The following PCDH15 variants were observed in gnomAD, a reference collection of about 807,000 sequenced individuals.
The protein encoded by PCDH15 is protocadherin related 15.
In PCDH15, 129 loss-of-function variants were observed where a neutral mutation model predicts 178.5. That is an observed-to-expected ratio of 0.72 (90% CI 0.63 to 0.84). The LOEUF is 0.84. Among genes scored for constraint, PCDH15 ranks in the 40% least tolerant of loss-of-function variants. PCDH15 has a pLI of 0.00. For synonymous variants in PCDH15, 800 were observed against 732.0 expected (o/e 1.09, Z -1.50); for missense variants, 2,230 against 2,099.9 (o/e 1.06, Z -1.21).
chr10:54,671,130 G>T (rs911132707), intron 1 of PCDH15, among the ~76,000 whole-genome samples: 6 of 152,112 alleles, frequency 3.9e-5, no homozygotes, highest in Non-Finnish European at 8.8e-5. Context: ...CATCAGTGGA[G>T]TGTTTAGCTT....
chr10:54,668,700 T>C (rs1186115004), intron 1 of PCDH15, among the ~76,000 whole-genome samples: 1 of 152,208 alleles, frequency 6.6e-6, no homozygotes, highest in Non-Finnish European at 1.5e-5. Context: ...TTCTCTTAAA[T>C]ACAATTTTGA....
At chr10:54,242,919 C>G (rs1427010903) in intron 8 of PCDH15, among the ~76,000 whole-genome samples, 2 of 152,042 alleles carry the variant, frequency 1.3e-5, no homozygotes, top group Non-Finnish European at 2.9e-5. Context: ...ATATAATATT[C>G]CACTTATCAT....
intron 23 of PCDH15, among the ~76,000 whole-genome samples, chr10:53,951,328 C>G (rs570178703): frequency 1.1e-4 from 17 of 150,518 alleles, no homozygotes; most frequent in South Asian, 4.3e-4. Flanking sequence ...CCCACCCCCA[C>G]CAAAAAATGA....
At chr10:55,398,738 A>T (rs12776487) in intron 2 of PCDH15, among the ~76,000 whole-genome samples, 37,692 of 152,002 alleles carry the variant, frequency 0.25, 4,999 homozygotes, top group Non-Finnish European at 0.29. Context: ...TGTCTCACAC[A>T]CTAAACTATA....
In PCDH15 at chr10:55,467,331, A is replaced by G. The variant is rs559978186; in HGVS notation, c.-156+160294T>C. Among the ~76,000 whole-genome samples the G allele has an allele frequency of 1.2e-3, 187 of 151,598 alleles. 2 individuals carry two copies. The highest frequency in any genetic ancestry group is 4.3e-3 in the African/African-American group (177 of 41,358). On this transcript the variant is annotated intron_variant, in intron 2 of 5. Transcript: ENST00000613346. ...GCTGTACACTCACTCCCATGAGAGG[A>G]AAAGGAAACAGGAGGAAAAGAAAAG...
intron 2 of PCDH15, among the ~76,000 whole-genome samples, chr10:54,572,150 G>T (rs990132330): frequency 6.6e-6 from 1 of 152,088 alleles, no homozygotes; most frequent in Non-Finnish European, 1.5e-5. Context: ...TTTTACACCT[G>T]CCTACATGAC....
intron 1 of PCDH15, among the ~76,000 whole-genome samples, chr10:54,731,141 T>C (rs1425841861): frequency 6.6e-6 from 1 of 151,426 alleles, no homozygotes; most frequent in South Asian, 2.1e-4. Flanking sequence ...TGGCCCACAG[T>C]TGTATGTTGA....
chr10:54,187,160 T>C (rs2048544537), intron 11 of PCDH15, among the ~76,000 whole-genome samples: 1 of 151,938 alleles, frequency 6.6e-6, no homozygotes, highest in African/African-American at 2.4e-5. Context: ...CTGAGGAAGT[T>C]TTGCTATGTA....
intron 2 of PCDH15, among the ~76,000 whole-genome samples, chr10:54,943,050 C>A (rs1188638748): frequency 6.6e-6 from 1 of 151,950 alleles, no homozygotes; most frequent in Non-Finnish European, 1.5e-5. Flanking sequence ...ATATTAGTAT[C>A]TTATTGCTGG....
At chr10:54,697,640 G>GGAAGGAAGGAAGGAAGGAAA in intron 1 of PCDH15, among the ~76,000 whole-genome samples, 1 of 105,574 alleles carries the variant, frequency 9.5e-6, no homozygotes, top group African/African-American at 3.7e-5. Context: ...AAGGAAGGAA[G>GGAAGGAAGGAAGGAAGGAAA]GAAGGAAGGA....
At chr10:54,960,627 C>A (rs932638064) in intron 2 of PCDH15, among the ~76,000 whole-genome samples, 1 of 152,122 alleles carries the variant, frequency 6.6e-6, no homozygotes, top group African/African-American at 2.4e-5. Context: ...GTAAATTAAT[C>A]AATTTTAAAA....
rs375282189 is a variant in PCDH15, at chr10:54,023,127, C to A, written c.2291G>T (p.Arg764Leu). ...YSLGNFNNLFRITSNGSIYTA... is the reference protein window; with the variant it reads ...YSLGNFNNLFLITSNGSIYTA... ...GTAAATGCTCCCATTGGATGTGATA[C>A]GAAAAAGATTATTAAAGTTACCCAA... Residue 764 changes from arginine (R) to leucine (L), a missense_variant, in exon 19 of 38, where the codon CGT becomes CTT. By Grantham distance (102) the Arg-to-Leu change is moderately radical. Transcript: ENST00000644397. 38 of 1,613,604 alleles carry A rather than the reference C, an allele frequency of 2.4e-5. No individual in the cohort carries two copies. The highest frequency in any genetic ancestry group is 3.1e-5 in the Non-Finnish European group (36 of 1,179,846).
At chr10:54,834,026 A>G (rs1218806616) in intron 3 of PCDH15, among the ~76,000 whole-genome samples, 1 of 152,148 alleles carries the variant, frequency 6.6e-6, no homozygotes, top group African/African-American at 2.4e-5. Context: ...GGTTATGTTA[A>G]TGATACTTAT....
intron 2 of PCDH15, among the ~76,000 whole-genome samples, chr10:54,660,747 G>A (rs80206675): frequency 0.066 from 10,011 of 152,024 alleles, 402 homozygotes; most frequent in East Asian, 0.15. Flanking sequence ...CAGTTCATCA[G>A]AAAGATAATT....
intron 2 of PCDH15, among the ~76,000 whole-genome samples, chr10:54,993,154 TG>T (rs1839545962): frequency 6.6e-6 from 1 of 152,100 alleles, no homozygotes; most frequent in South Asian, 2.1e-4. Context: ...TGAAAGGACT[TG>T]GGGACAGATT....
chr10:54,631,559 A>G (rs1438970073), intron 2 of PCDH15, among the ~76,000 whole-genome samples: 1 of 152,136 alleles, frequency 6.6e-6, no homozygotes, highest in African/African-American at 2.4e-5. Context: ...AGGGATACAC[A>G]CTAAGGAAAA....
At position 54,676,217 on chromosome 10, in the gene PCDH15, T is replaced by C. The variant is rs568209398; in HGVS notation, c.-28-11927A>G. ...ATAAAATATAAGAATAAAATTCTAA[T>C]ATACTTGGAAAATAAGAACCAAATC... On this transcript the variant is annotated intron_variant, in intron 1 of 37. Transcript: ENST00000644397. 1.0e-3 allele frequency among the ~76,000 whole-genome samples: 153 copies of C among 152,132 alleles called. 1 individual carries two copies. The highest frequency in any genetic ancestry group is 3.5e-3 in the African/African-American group (145 of 41,570).
chr10:53,921,236 A>C (rs1330207481), intron 25 of PCDH15, among the ~76,000 whole-genome samples: 2 of 152,180 alleles, frequency 1.3e-5, no homozygotes, highest in Non-Finnish European at 2.9e-5. Context: ...TCAGCTACTT[A>C]CATTTTTGAG....
intron 2 of PCDH15, among the ~76,000 whole-genome samples, chr10:55,463,961 GAAAGAAAGAA>G (rs1565165682): frequency 2.8e-5 from 1 of 35,214 alleles, no homozygotes; most frequent in Non-Finnish European, 4.5e-5. Flanking sequence ...AAGAAAGAAA[GAAAGAAAGAA>G]AGAGAAAGAA....
Sources: gnomAD v4.1 joint callset for allele counts (sites outside exome capture counted in the v4.1 genomes callset) on GRCh38, gnomAD v4.1.1 for gene constraint, MANE v1.5 for transcripts, NCBI Gene and HGNC (gene_info 2026-07-23, HGNC 2026-07-21) for gene names.